Variants in HDAC7 observed in about 807,000 individuals in gnomAD.
The protein encoded by HDAC7 is histone deacetylase 7A.
Under a neutral mutation model 115.5 loss-of-function variants are expected in HDAC7, and 26 were observed. The observed-to-expected ratio is 0.23, with a 90% confidence interval of 0.16 to 0.31. The LOEUF (loss-of-function observed/expected upper bound fraction) is 0.31. HDAC7 is among the 10% of genes least tolerant of loss of function. The pLI is 1.00. For synonymous variants in HDAC7, 564 were observed against 550.9 expected, an observed-to-expected ratio of 1.02 and a Z score of -0.33; for missense variants, 1,068 against 1,329.0, an observed-to-expected ratio of 0.80 and a Z score of 3.05.
chr12:47,795,568 G>C lies in HDAC7; in HGVS notation c.1087+19C>G. ...GGTGCAGGGACCCAGCCCCTTCCCT[G>C]AAGAAGCAGCAGACTCACCAGTCAG... On this transcript the variant is annotated intron_variant, in intron 10 of 25. Transcript: ENST00000080059. This position sits in a 1 kb window ranked among gnomAD's most constrained non-coding sequence, Gnocchi z 4.3. The C allele has an allele frequency of 6.4e-7, 1 of 1,553,320 alleles. No individual in the cohort carries two copies. The highest frequency in any genetic ancestry group is 8.7e-7 in the Non-Finnish European group (1 of 1,149,048).
rs1214770360 is a variant in HDAC7, at chr12:47,795,830, G to A, written c.907-63C>T. 1.2e-5 allele frequency: 18 copies of A among 1,525,718 alleles called. No individual in the cohort carries two copies. Among genetic ancestry groups the A allele is most frequent in the Non-Finnish European group, 1.6e-5 (18 of 1,131,032 alleles). 94.5% of individuals were successfully genotyped at this position (1,525,718 alleles called of 1,614,324 possible). On this transcript the variant is annotated intron_variant, in intron 9 of 25. Coordinates refer to ENST00000080059, the MANE Select transcript of HDAC7 (RefSeq NM_015401.5). The surrounding 1 kb of genome is among the most constrained non-coding windows in gnomAD (Gnocchi z 4.3). ...TCCAGCAGAGAACAATGAAGATGAT[G>A]GGGTGAGGCAGCAAGAAAAGGGAGT...
At chr12:47,784,601 C>A in intron 24 of HDAC7, 1 of 965,118 alleles carries the variant, frequency 1.0e-6, no homozygotes, top group South Asian at 1.7e-5. Context: ...AAGCTCGGGC[C>A]TCCCACTTAA....
intron 18 of HDAC7, 79 bp downstream of exon 18, chr12:47,789,444 G>A (rs1943360705): frequency 6.3e-7 from 1 of 1,578,772 alleles, no homozygotes; most frequent in East Asian, 2.2e-5. Flanking sequence ...GCTCAGGGAA[G>A]AAGAGAGAAT....
At chr12:47,784,349 C>T (rs1477768337) in intron 24 of HDAC7, 132 bp from the exon 25 acceptor site, 69 of 939,278 alleles carry the variant, frequency 7.3e-5, no homozygotes, top group East Asian at 1.3e-4. Flanking sequence ...CACTTAGGGT[C>T]GGCTCTCCCA....
At chr12:47,808,051 C>T (rs950875763) in intron 1 of HDAC7, among the ~76,000 whole-genome samples, 4 of 152,240 alleles carry the variant, frequency 2.6e-5, no homozygotes, top group African/African-American at 9.6e-5. Flanking sequence ...CCTACCCAGA[C>T]GAAGGCCTCC....
chr12:47,798,987 AG>A lies in HDAC7; in HGVS notation c.71-16del, dbSNP rs1944029974. The A allele has an allele frequency of 4.1e-6, 6 of 1,472,462 alleles. No individual in the cohort carries two copies. In the African/African-American group the frequency reaches 5.7e-5, roughly 14 times the overall value. The allele number at this position is 1,472,462 out of a possible 1,614,324, so 91.2% of individuals were successfully genotyped here. On this transcript the variant is annotated splice_polypyrimidine_tract_variant and intron_variant, in intron 2 of 25. Transcript: ENST00000080059. The surrounding 1 kb of genome is among the most constrained non-coding windows in gnomAD (Gnocchi z 4.3). ...CCTGGGGCAGCCTAGGGACAGAGAG[AG>A]GGAGCAGGGTAAACTGGAAAGTTTG...
chr12:47,785,738 G>A lies in HDAC7; in HGVS notation c.2706+14C>T. The A allele has an allele frequency of 6.3e-7, 1 of 1,599,834 alleles. No individual in the cohort carries two copies. The highest frequency in any genetic ancestry group is 8.5e-7 in the Non-Finnish European group (1 of 1,172,958). On this transcript the variant is annotated intron_variant, in intron 23 of 25. Transcript: ENST00000080059. ...GCCTGACAGAAGCATGGATGGGGGAGGGAGACGGCTCACCCTGTTACCCAG... is the reference window on the plus strand; with the variant it reads ...GCCTGACAGAAGCATGGATGGGGGAAGGAGACGGCTCACCCTGTTACCCAG...
chr12:47,819,044 C>A (rs559291843), intron 1 of HDAC7: 1 of 152,520 alleles, frequency 6.6e-6, no homozygotes, highest in Non-Finnish European at 1.5e-5. Flanking sequence ...GGGTGCACAT[C>A]CTGTCCCCCA....
At chr12:47,785,645 T>C in intron 23 of HDAC7, 107 bp downstream of exon 23, 1 of 1,439,742 alleles carries the variant, frequency 6.9e-7, no homozygotes, top group Non-Finnish European at 9.3e-7. Context: ...GTTTCAGGCT[T>C]GGCCACTCCC....
At chr12:47,792,386 A>C in intron 13 of HDAC7, 2 of 353,400 alleles carry the variant, frequency 5.7e-6, no homozygotes, top group Non-Finnish European at 1.1e-5. Context: ...CATCTCACAC[A>C]CGTGTCATGA....
intron 20 of HDAC7, 113 bp from the exon 21 acceptor site, chr12:47,787,922 A>G (rs1444047974): frequency 6.5e-7 from 1 of 1,544,180 alleles, no homozygotes; most frequent in Middle Eastern, 1.7e-4. Context: ...CCAGGTGGGG[A>G]AGTTTAGGAT....
chr12:47,817,004 C>T (rs61917655), intron 1 of HDAC7, among the ~76,000 whole-genome samples: 11,432 of 152,322 alleles, frequency 0.075, 541 homozygotes, highest in Middle Eastern at 0.14. Context: ...CTGGGGACTC[C>T]TCCTAATACT....
intron 23 of HDAC7, 39 bp from the exon 24 acceptor site, chr12:47,785,510 A>G: frequency 6.4e-7 from 1 of 1,574,248 alleles, no homozygotes; most frequent in Non-Finnish European, 8.7e-7. Context: ...TCTCTCAGGG[A>G]CCCACAGGCC....
intron 17 of HDAC7, 110 bp from the exon 18 acceptor site, chr12:47,789,688 C>G: frequency 7.1e-7 from 1 of 1,406,354 alleles, no homozygotes; most frequent in Non-Finnish European, 1.0e-6. Flanking sequence ...CCTCAATTTC[C>G]CCTCCAAAAC....
chr12:47,797,291 G>GGGCCCCCCCCCC lies in HDAC7; in HGVS notation c.577+92_577+93insGGGGGGGGGGCC. 1 of 1,336,196 alleles carries GGGCCCCCCCCCC rather than the reference G, an allele frequency of 7.5e-7. No homozygotes were observed. The highest frequency in any genetic ancestry group is 1.1e-6 in the Non-Finnish European group (1 of 948,960). 82.8% of individuals were successfully genotyped at this position (1,336,196 alleles called of 1,614,324 possible). A position where few individuals can be genotyped will look rare whatever the true frequency, so the allele number is the denominator to read the frequency against. Reference sequence around the variant, plus strand: ...AGCCTACCGATGATCTCCTGGCCCAGCCCAGCCCGCCCACCCCTGCACACT... The same window carrying GGGCCCCCCCCCC: ...AGCCTACCGATGATCTCCTGGCCCAGGGCCCCCCCCCCCCCAGCCCGCCCACCCCTGCACACT... On this transcript the variant is annotated intron_variant, in intron 6 of 25. Coordinates refer to ENST00000080059, the MANE Select transcript of HDAC7 (RefSeq NM_015401.5). The surrounding 1 kb of genome is among the most constrained non-coding windows in gnomAD (Gnocchi z 5.5).
rs1943735595 is a variant in HDAC7, at chr12:47,795,084, C to G, written c.1284+100G>C. The G allele has an allele frequency of 7.7e-7, 1 of 1,305,922 alleles. No homozygotes were observed. The highest frequency in any genetic ancestry group is 2.0e-5 in the Admixed American group (1 of 48,892). The allele number at this position is 1,305,922 out of a possible 1,614,324, so 80.9% of individuals were successfully genotyped here. A position where few individuals can be genotyped will look rare whatever the true frequency, so the allele number is the denominator to read the frequency against. ...CAAGAAGCCACATCCCCCTCTTTTG[C>G]CCTCCAGTTCCCTGCCCTTTCTAAG... On this transcript the variant is annotated intron_variant, in intron 11 of 25. Coordinates refer to ENST00000080059, the MANE Select transcript of HDAC7 (RefSeq NM_015401.5). This position sits in a 1 kb window ranked among gnomAD's most constrained non-coding sequence, Gnocchi z 4.3.
In HDAC7 at chr12:47,792,036, G is replaced by A. The variant is rs775199501; in HGVS notation, c.1679-32C>T. 4 of 1,578,056 alleles carry A rather than the reference G, an allele frequency of 2.5e-6. No homozygotes were observed. The Admixed American group carries it at 6.9e-5, about 27-fold the overall frequency. ...GAGCAAGGGTCAGAGCGGGGACCCA[G>A]GGAGTCCTCACGCCCCATGGCCTTG... On this transcript the variant is annotated intron_variant, in intron 13 of 25. Transcript: ENST00000080059.
At chr12:47,802,443 G>T (rs942740793) in intron 1 of HDAC7, 169 bp from the exon 2 acceptor site, 1 of 1,550,212 alleles carries the variant, frequency 6.5e-7, no homozygotes, top group Non-Finnish European at 8.7e-7. Context: ...CACCCCATTC[G>T]ACTCCTCCAG....
chr12:47,810,727 C>T (rs779677485), intron 1 of HDAC7, among the ~76,000 whole-genome samples: 4 of 152,042 alleles, frequency 2.6e-5, no homozygotes, highest in African/African-American at 4.8e-5. Flanking sequence ...AAGCCCTCTA[C>T]AAAATGCGGG....
Sources: allele counts gnomAD v4.1 joint callset (sites outside exome capture counted in the v4.1 genomes callset), GRCh38; gene constraint gnomAD v4.1.1; non-coding constraint Gnocchi (gnomAD v3.1); transcripts MANE v1.5; gene names NCBI Gene and HGNC (gene_info 2026-07-23, HGNC 2026-07-21).